Variants in NTRK2 observed in about 807,000 individuals in gnomAD.
The protein encoded by NTRK2 is BDNF/NT-3 growth factors receptor.
In NTRK2, 13 loss-of-function variants were observed where a neutral mutation model predicts 94.5. That is an observed-to-expected ratio of 0.14 (90% CI 0.09 to 0.22). The LOEUF (loss-of-function observed/expected upper bound fraction) is 0.22, where lower values mean the gene tolerates loss of function less well. Among genes scored for constraint, NTRK2 ranks in the 10% least tolerant of loss-of-function variants. NTRK2 has a pLI of 1.00. For missense variants in NTRK2, 639 were observed against 1,071.2 expected, an observed-to-expected ratio of 0.60 and a Z score of 5.63; for synonymous variants, 372 against 407.4, an observed-to-expected ratio of 0.91 and a Z score of 1.05.
At chr9:84,753,354 A>C (rs1436164509) in intron 12 of NTRK2, among the ~76,000 whole-genome samples, 1 of 152,090 alleles carries the variant, frequency 6.6e-6, no homozygotes, top group Non-Finnish European at 1.5e-5. Context: ...CTCCTATAGG[A>C]CTTGAGAAAA....
At chr9:84,791,136 CA>C (rs1294479068) in intron 12 of NTRK2, among the ~76,000 whole-genome samples, 6 of 152,084 alleles carry the variant, frequency 3.9e-5, no homozygotes, top group Admixed American at 3.9e-4. Context: ...GTAACTTATG[CA>C]AAAAGTTTTA....
chr9:84,757,738 T>C (rs1171873776), intron 12 of NTRK2, among the ~76,000 whole-genome samples: 2 of 152,230 alleles, frequency 1.3e-5, no homozygotes, highest in Non-Finnish European at 2.9e-5. Context: ...GTTAATATTA[T>C]TGACAAATTA....
chr9:85,023,086 C>G lies in NTRK2; in HGVS notation c.*1649C>G, dbSNP rs199924905. On this transcript the variant is annotated 3_prime_UTR_variant, in exon 19 of 19. Coordinates refer to ENST00000277120, the MANE Select transcript of NTRK2 (RefSeq NM_006180.6). Reference sequence around the variant, plus strand: ...CACAGCATGCCAACGGGAGGCTGTGCCCAGACCAAGCACTGGAAGTGTGCT... The same window carrying G: ...CACAGCATGCCAACGGGAGGCTGTGGCCAGACCAAGCACTGGAAGTGTGCT... 1 of 232,896 alleles carries G rather than the reference C, an allele frequency of 4.3e-6. No individual in the cohort carries two copies. Among genetic ancestry groups the G allele is most frequent in the Non-Finnish European group, 8.5e-6 (1 of 117,900 alleles). The allele number at this position is 232,896 out of a possible 1,614,324, so 14.4% of individuals were successfully genotyped here.
intron 2 of NTRK2, among the ~76,000 whole-genome samples, chr9:84,697,519 C>A (rs953411197): frequency 3.3e-5 from 5 of 152,222 alleles, no homozygotes; most frequent in East Asian, 1.9e-4. Flanking sequence ...AGTGTCACTG[C>A]ACTTTAACAG....
chr9:85,017,391 C>T (rs1832347269), intron 17 of NTRK2, among the ~76,000 whole-genome samples: 1 of 152,180 alleles, frequency 6.6e-6, no homozygotes, highest in African/African-American at 2.4e-5. Context: ...CAGTAGGAAA[C>T]AGGTAAGTGA....
At chr9:84,875,799 G>C (rs2076040918) in intron 14 of NTRK2, 3 of 1,048,424 alleles carry the variant, frequency 2.9e-6, no homozygotes, top group Non-Finnish European at 3.5e-6. Flanking sequence ...CAGGCCTCTA[G>C]ACCTAGACTG....
chr9:84,724,195 G>C, intron 7 of NTRK2, 29 bp from the exon 8 acceptor site: 1 of 1,613,830 alleles, frequency 6.2e-7, no homozygotes. Flanking sequence ...CCTAATCAAG[G>C]TTATTTTTGT....
At chr9:84,857,764 G>A (rs1298213910) in intron 12 of NTRK2, among the ~76,000 whole-genome samples, 1 of 152,082 alleles carries the variant, frequency 6.6e-6, no homozygotes, top group African/African-American at 2.4e-5. Flanking sequence ...TATAAGACAG[G>A]GCATTGTACA....
chr9:84,730,071 A>G (rs1196547656), intron 9 of NTRK2, among the ~76,000 whole-genome samples: 1 of 152,218 alleles, frequency 6.6e-6, no homozygotes, highest in African/African-American at 2.4e-5. Context: ...TAAAAAATAC[A>G]ACTTAGGCTA....
chr9:84,737,346 C>T (rs1195422368), intron 9 of NTRK2, among the ~76,000 whole-genome samples: 3 of 152,102 alleles, frequency 2.0e-5, no homozygotes, highest in Admixed American at 2.0e-4. Flanking sequence ...GATGTTTTCT[C>T]TTTCATCAAG....
intron 6 of NTRK2, among the ~76,000 whole-genome samples, chr9:84,718,412 C>T (rs919001367): frequency 6.6e-6 from 1 of 151,974 alleles, no homozygotes; most frequent in Non-Finnish European, 1.5e-5. Flanking sequence ...TTACACACAA[C>T]TTTGTGTGTA....
chr9:84,808,185 C>T (rs981723611), intron 12 of NTRK2, among the ~76,000 whole-genome samples: 4 of 152,116 alleles, frequency 2.6e-5, no homozygotes, highest in African/African-American at 9.7e-5. Flanking sequence ...TGGCAATGGT[C>T]CAGTAGAACC....
At chr9:84,754,141 C>T (rs1251650681) in intron 12 of NTRK2, among the ~76,000 whole-genome samples, 1 of 152,154 alleles carries the variant, frequency 6.6e-6, no homozygotes, top group Non-Finnish European at 1.5e-5. Context: ...CTGAGTATAA[C>T]CTGAGGGCAT....
intron 14 of NTRK2, among the ~76,000 whole-genome samples, chr9:84,903,505 T>C (rs1369729014): frequency 2.0e-5 from 3 of 152,216 alleles, no homozygotes; most frequent in Non-Finnish European, 4.4e-5. Context: ...AAATACTTAA[T>C]AGCTCTTTCT....
In NTRK2 at chr9:85,020,244, T is replaced by C. The variant is rs2117932925; in HGVS notation, c.2211T>C (p.Pro737=). The part of the protein sequence containing the change: ...GHTMLPIRWM[P]PESIMYRKFT... ...CAATGCTGCCCATTCGCTGGATGCC[T>C]CCAGAGAGCATCATGTACAGGAAAT... is the stretch of plus-strand genomic sequence containing the variant. Residue 737 remains proline (P), a synonymous_variant, in exon 18 of 19, where the codon CCT becomes CCC. Coordinates refer to ENST00000277120, the MANE Select transcript of NTRK2 (RefSeq NM_006180.6). 1 of 1,614,070 alleles carries C rather than the reference T, an allele frequency of 6.2e-7. No individual in the cohort carries two copies. Among genetic ancestry groups the C allele is most frequent in the Non-Finnish European group, 8.5e-7 (1 of 1,180,000 alleles).
At chr9:84,998,748 T>C (rs1224236923) in intron 17 of NTRK2, among the ~76,000 whole-genome samples, 1 of 152,212 alleles carries the variant, frequency 6.6e-6, no homozygotes, top group African/African-American at 2.4e-5. Context: ...CCAACATTAT[T>C]ATGTCTTATA....
chr9:84,706,739 C>T (rs1454105643), intron 4 of NTRK2, among the ~76,000 whole-genome samples: 1 of 151,580 alleles, frequency 6.6e-6, no homozygotes, highest in Non-Finnish European at 1.5e-5. Flanking sequence ...ACTGTGTTAG[C>T]CAGGATGGTC....
At chr9:84,732,007 C>T (rs572046265) in intron 9 of NTRK2, among the ~76,000 whole-genome samples, 2 of 152,146 alleles carry the variant, frequency 1.3e-5, no homozygotes, top group Non-Finnish European at 2.9e-5. Flanking sequence ...AAAGACCTTC[C>T]CAGACTCCAG....
chr9:84,979,409 A>G (rs1392027388), intron 17 of NTRK2, among the ~76,000 whole-genome samples: 2 of 152,212 alleles, frequency 1.3e-5, no homozygotes, highest in African/African-American at 4.8e-5. Flanking sequence ...TAGCAAGGGA[A>G]CTAGAATTAG....
Sources: gnomAD v4.1 joint callset for allele counts (sites outside exome capture counted in the v4.1 genomes callset) on GRCh38, gnomAD v4.1.1 for gene constraint, MANE v1.5 for transcripts, NCBI Gene and HGNC (gene_info 2026-07-23, HGNC 2026-07-21) for gene names.